The following SNTG1 variants were observed in gnomAD, a reference collection of about 807,000 sequenced individuals.
SNTG1 encodes gamma-1-syntrophin.
Under a neutral mutation model 74.7 loss-of-function variants are expected in SNTG1, and 39 were observed. The ratio of observed to expected loss-of-function variants is 0.52; its 90% CI spans 0.40 to 0.68. The LOEUF is 0.68. Ranked by LOEUF, SNTG1 falls within the 30% of genes least tolerant of loss-of-function variation. The pLI is 0.00. For missense variants in SNTG1, 685 were observed against 609.5 expected (o/e 1.12, Z -1.30); for synonymous variants, 254 against 217.1 (o/e 1.17, Z -1.49).
At chr8:50,084,248 T>A (rs1038295894) in intron 1 of SNTG1, among the ~76,000 whole-genome samples, 2 of 151,918 alleles carry the variant, frequency 1.3e-5, no homozygotes, top group African/African-American at 2.4e-5. Flanking sequence ...GATCACGAGG[T>A]CAAGAGATCA....
At chr8:50,081,780 C>T (rs1029154357) in intron 1 of SNTG1, among the ~76,000 whole-genome samples, 2 of 152,062 alleles carry the variant, frequency 1.3e-5, no homozygotes, top group African/African-American at 4.8e-5. Context: ...ACTACAGGCT[C>T]ATGCCACCAC....
At chr8:50,053,256 A>G (rs886119019) in intron 1 of SNTG1, among the ~76,000 whole-genome samples, 2 of 152,168 alleles carry the variant, frequency 1.3e-5, no homozygotes, top group African/African-American at 4.8e-5. Context: ...AATAAAAAGA[A>G]GGAAATGCAG....
intron 2 of SNTG1, among the ~76,000 whole-genome samples, chr8:50,199,041 A>G (rs1397518800): frequency 1.3e-5 from 2 of 152,174 alleles, no homozygotes; most frequent in Admixed American, 1.3e-4. Flanking sequence ...GAGCAAAAGT[A>G]ATGTCATCAG....
intron 1 of SNTG1, among the ~76,000 whole-genome samples, chr8:50,062,070 G>T (rs537922328): frequency 7.2e-5 from 11 of 152,150 alleles, no homozygotes; most frequent in South Asian, 4.1e-4. Context: ...TTGAGACAGG[G>T]TCTCGTTCTG....
At chr8:50,104,141 A>T (rs1471280859) in intron 1 of SNTG1, among the ~76,000 whole-genome samples, 1 of 152,184 alleles carries the variant, frequency 6.6e-6, no homozygotes, top group Non-Finnish European at 1.5e-5. Context: ...GAATGGTACC[A>T]GTTCCTCCTT....
chr8:50,155,311 A>G (rs1001885142), intron 1 of SNTG1, among the ~76,000 whole-genome samples: 1 of 152,206 alleles, frequency 6.6e-6, no homozygotes, highest in East Asian at 1.9e-4. Context: ...TGCAAAGGCA[A>G]TTCATTAAGA....
At chr8:50,714,079 G>A (rs946950280) in intron 17 of SNTG1, among the ~76,000 whole-genome samples, 1 of 148,734 alleles carries the variant, frequency 6.7e-6, no homozygotes, top group Admixed American at 6.7e-5. Flanking sequence ...AAAAAAAAAG[G>A]TGGGGGGAGG....
In SNTG1 at chr8:49,976,886, G is replaced by T. The variant is rs79932357; in HGVS notation, c.-103+64655G>T. Among the ~76,000 whole-genome samples, 561 of 152,274 alleles carry T rather than the reference G, an allele frequency of 3.7e-3. 4 individuals are homozygous for T. The highest frequency in any genetic ancestry group is 0.013 in the African/African-American group (539 of 41,554). On this transcript the variant is annotated intron_variant, in intron 1 of 18. Transcript: ENST00000642720. Reference sequence around the variant, plus strand: ...TCTTTGATTTTGAAGAGATCATTCTGGCTACTATGTGCAGAAACGAATCAT... The same window carrying T: ...TCTTTGATTTTGAAGAGATCATTCTTGCTACTATGTGCAGAAACGAATCAT...
chr8:50,022,680 G>A (rs1211420149), intron 1 of SNTG1, among the ~76,000 whole-genome samples: 2 of 152,162 alleles, frequency 1.3e-5, no homozygotes, highest in Non-Finnish European at 2.9e-5. Context: ...GCCTGCTCAG[G>A]ACTGCTTACT....
At position 50,050,708 on chromosome 8, in the gene SNTG1, A is replaced by T. The variant is rs193241145; in HGVS notation, c.-102-121853A>T. 2.1e-3 allele frequency among the ~76,000 whole-genome samples: 319 copies of T among 152,208 alleles called. 2 individuals carry two copies. The highest frequency in any genetic ancestry group is 4.8e-3 in the Admixed American group (73 of 15,264). On this transcript the variant is annotated intron_variant, in intron 1 of 18. Transcript: ENST00000642720. ...TCTATGAGGACAATATTACCTTGCTATAAAAACCAGGCAAATATATCACAT... is the reference window on the plus strand; with the variant it reads ...TCTATGAGGACAATATTACCTTGCTTTAAAAACCAGGCAAATATATCACAT...
intron 18 of SNTG1, among the ~76,000 whole-genome samples, chr8:50,774,678 G>A (rs1368370423): frequency 6.6e-6 from 1 of 151,708 alleles, no homozygotes; most frequent in African/African-American, 2.4e-5. Context: ...ATAAGTGACA[G>A]TATAAATGCA....
At chr8:50,754,368 G>A (rs1418906323) in intron 18 of SNTG1, among the ~76,000 whole-genome samples, 1 of 151,882 alleles carries the variant, frequency 6.6e-6, no homozygotes, top group East Asian at 1.9e-4. Context: ...TTTGGGTATT[G>A]TCACTTAAAA....
chr8:50,321,749 T>C (rs575887712), intron 2 of SNTG1, among the ~76,000 whole-genome samples: 24 of 152,278 alleles, frequency 1.6e-4, no homozygotes, highest in African/African-American at 5.3e-4. Context: ...TAACTTATTA[T>C]TTTAAACTAA....
At chr8:50,766,152 C>T (rs1340252198) in intron 18 of SNTG1, among the ~76,000 whole-genome samples, 3 of 151,970 alleles carry the variant, frequency 2.0e-5, no homozygotes, top group African/African-American at 7.2e-5. Flanking sequence ...GTCTCCATAC[C>T]TCCCTTACCC....
chr8:50,790,296 C>CA (rs1193903502), intron 18 of SNTG1, among the ~76,000 whole-genome samples: 2 of 151,758 alleles, frequency 1.3e-5, no homozygotes, highest in Admixed American at 6.6e-5. Context: ...TTAACAACAA[C>CA]AAAAAAGAGT....
intron 13 of SNTG1, among the ~76,000 whole-genome samples, chr8:50,610,763 G>A (rs997099627): frequency 4.6e-5 from 7 of 152,080 alleles, no homozygotes; most frequent in Admixed American, 2.6e-4. Context: ...AATAAAATGA[G>A]GTAGTAAGAC....
At chr8:50,583,628 A>T (rs996704700) in intron 12 of SNTG1, among the ~76,000 whole-genome samples, 5 of 151,958 alleles carry the variant, frequency 3.3e-5, no homozygotes, top group African/African-American at 1.2e-4. Flanking sequence ...CAGTAATACG[A>T]ATTTTCTTTT....
intron 8 of SNTG1, among the ~76,000 whole-genome samples, chr8:50,478,068 A>G (rs1028152503): frequency 9.2e-5 from 14 of 152,030 alleles, no homozygotes; most frequent in African/African-American, 1.9e-4. Context: ...CTCCTCTCCT[A>G]TAGATTTTGC....
At chr8:50,381,583 T>A (rs1401417927) in intron 2 of SNTG1, among the ~76,000 whole-genome samples, 3 of 138,518 alleles carry the variant, frequency 2.2e-5, no homozygotes, top group East Asian at 4.0e-4. Context: ...TGTGTGTGTG[T>A]GTGTGTGTGT....
Sources: gnomAD v4.1 joint callset for allele counts (sites outside exome capture counted in the v4.1 genomes callset) on GRCh38, gnomAD v4.1.1 for gene constraint, MANE v1.5 for transcripts, NCBI Gene and HGNC (gene_info 2026-07-23, HGNC 2026-07-21) for gene names.